Variants in ADAMTS18 observed in about 807,000 individuals in gnomAD.
The protein encoded by ADAMTS18 is ADAM metallopeptidase with thrombospondin type 1 motif 18, also known as A disintegrin and metalloproteinase with thrombospondin motifs 18.
Under a neutral mutation model 165.9 loss-of-function variants are expected in ADAMTS18, and 157 were observed. The observed-to-expected ratio is 0.95, with a 90% CI of 0.83 to 1.08. The LOEUF is 1.08. Ranked by LOEUF, ADAMTS18 falls within the 50% of genes least tolerant of loss-of-function variation. The pLI, the probability that ADAMTS18 is intolerant of heterozygous loss-of-function variation, is 0.00. For missense variants in ADAMTS18, 2,040 were observed against 1,534.0 expected, an observed-to-expected ratio of 1.33 and a Z score of -5.51; for synonymous variants, 782 against 578.2, an observed-to-expected ratio of 1.35 and a Z score of -5.06.
At chr16:77,423,391 C>T (rs2057629266) in intron 3 of ADAMTS18, among the ~76,000 whole-genome samples, 1 of 152,102 alleles carries the variant, frequency 6.6e-6, no homozygotes, top group African/African-American at 2.4e-5. Context: ...ATAATTAGTA[C>T]TATATCATTA....
Position 77,321,069 on chromosome 16 carries a change from C to G in ADAMTS18, c.2287+10G>C. On this transcript the variant is annotated intron_variant, in intron 15 of 22. Transcript: ENST00000282849. ...TCTCATTAACAATAACAAACAGCAG[C>G]ATCTCTCACCATTTGCTTTATGCTG... is the stretch of plus-strand genomic sequence containing the variant. 1 of 1,614,142 alleles carries G rather than the reference C, an allele frequency of 6.2e-7. No homozygotes were observed. The highest frequency in any genetic ancestry group is 1.3e-5 in the African/African-American group (1 of 75,054).
At chr16:77,385,391 T>G (rs2057092535) in intron 3 of ADAMTS18, among the ~76,000 whole-genome samples, 1 of 152,192 alleles carries the variant, frequency 6.6e-6, no homozygotes, top group Non-Finnish European at 1.5e-5. Context: ...ATAGTTGACT[T>G]GTATTCTGTA....
intron 10 of ADAMTS18, among the ~76,000 whole-genome samples, chr16:77,351,466 G>A (rs920036602): frequency 1.3e-5 from 2 of 152,110 alleles, no homozygotes; most frequent in East Asian, 3.9e-4. Context: ...ACACAGACCA[G>A]GTACCCCACA....
intron 8 of ADAMTS18, among the ~76,000 whole-genome samples, chr16:77,357,535 A>C (rs757704564): frequency 7.2e-5 from 11 of 152,240 alleles, no homozygotes; most frequent in Non-Finnish European, 1.5e-4. Flanking sequence ...GAAACCTATA[A>C]ATAAAGCACG....
Position 77,294,959 on chromosome 16 carries a change from G to C in ADAMTS18, c.2970C>G (p.Ala990=), listed in dbSNP as rs368865291. ...PTQVQACNSH[A]CPPQWSLGPW... is the part of the protein sequence containing the mutation. ...GTCCAAGGCTCCATTGTGGAGGGCA[G>C]GCATGGCTGTTGCAGGCTTGGACCT... The change falls in exon 19 of 23, where the codon GCC becomes GCG. Residue 990 remains alanine (A), a synonymous_variant. Coordinates refer to ENST00000282849, the MANE Select transcript of ADAMTS18 (RefSeq NM_199355.4). 4.3e-6 allele frequency: 7 copies of C among 1,614,176 alleles called. No individual in the cohort carries two copies. The highest frequency in any genetic ancestry group is 5.9e-6 in the Non-Finnish European group (7 of 1,180,028).
intron 3 of ADAMTS18, among the ~76,000 whole-genome samples, chr16:77,385,407 G>T (rs533362935): frequency 7.2e-5 from 11 of 152,292 alleles, no homozygotes; most frequent in African/African-American, 2.4e-4. Flanking sequence ...CTGTAACTAA[G>T]CTGGTGCTGC....
At chr16:77,385,163 C>T (rs2057088970) in intron 3 of ADAMTS18, among the ~76,000 whole-genome samples, 2 of 152,116 alleles carry the variant, frequency 1.3e-5, no homozygotes, top group South Asian at 4.1e-4. Context: ...CTCACCTCAG[C>T]CTCCCAAAGT....
intron 3 of ADAMTS18, among the ~76,000 whole-genome samples, chr16:77,408,644 A>G (rs2057422163): frequency 6.6e-6 from 1 of 152,194 alleles, no homozygotes; most frequent in African/African-American, 2.4e-5. Flanking sequence ...AGTTCAAAAA[A>G]AGGCAAAACT....
chr16:77,379,401 G>A (rs772545918), intron 3 of ADAMTS18, among the ~76,000 whole-genome samples: 22 of 152,224 alleles, frequency 1.4e-4, no homozygotes, highest in Non-Finnish European at 1.2e-4. Context: ...GGAGAACTAA[G>A]CAAAGTGGAC....
At chr16:77,398,870 A>C (rs1255668141) in intron 3 of ADAMTS18, among the ~76,000 whole-genome samples, 1 of 152,204 alleles carries the variant, frequency 6.6e-6, no homozygotes, top group East Asian at 1.9e-4. Flanking sequence ...GAGAGAGAAG[A>C]CTGAAAATAT....
intron 3 of ADAMTS18, among the ~76,000 whole-genome samples, chr16:77,400,881 G>C (rs1429761838): frequency 6.6e-6 from 1 of 151,976 alleles, no homozygotes; most frequent in East Asian, 1.9e-4. Context: ...CATTCTCTCT[G>C]TCTGCTCACT....
intron 22 of ADAMTS18, among the ~76,000 whole-genome samples, chr16:77,286,051 G>T (rs1212101224): frequency 6.6e-6 from 1 of 152,114 alleles, no homozygotes; most frequent in Non-Finnish European, 1.5e-5. Flanking sequence ...TACACTGACT[G>T]ACAAGGCCTC....
intron 3 of ADAMTS18, among the ~76,000 whole-genome samples, chr16:77,411,880 G>A (rs1412603791): frequency 2.6e-5 from 4 of 151,462 alleles, no homozygotes; most frequent in Admixed American, 6.6e-5. Flanking sequence ...ATAGAGACGG[G>A]GTTTCACCAT....
At chr16:77,381,589 G>C (rs1362659496) in intron 3 of ADAMTS18, among the ~76,000 whole-genome samples, 5 of 152,010 alleles carry the variant, frequency 3.3e-5, no homozygotes, top group Admixed American at 6.6e-5. Context: ...GGATCACGAG[G>C]TCAGAAGTTC....
chr16:77,388,621 C>G (rs2057142625), intron 3 of ADAMTS18, among the ~76,000 whole-genome samples: 1 of 152,152 alleles, frequency 6.6e-6, no homozygotes, highest in Admixed American at 6.5e-5. Context: ...GCTCTGAGCA[C>G]TGAAGGCATA....
At chr16:77,318,793 G>C (rs751337810) in intron 16 of ADAMTS18, among the ~76,000 whole-genome samples, 3 of 151,840 alleles carry the variant, frequency 2.0e-5, no homozygotes, top group Admixed American at 2.0e-4. Flanking sequence ...TTTCTGGTTA[G>C]TGAAGTCCAT....
At chr16:77,313,014 A>ATAGCAAAGCTATAC (rs2055812171) in intron 16 of ADAMTS18, among the ~76,000 whole-genome samples, 1 of 152,206 alleles carries the variant, frequency 6.6e-6, no homozygotes, top group African/African-American at 2.4e-5. Flanking sequence ...TTGCGGCACT[A>ATAGCAAAGCTATAC]TTCACAATAG....
chr16:77,355,864 T>C, intron 9 of ADAMTS18, 76 bp downstream of exon 9: 2 of 1,556,888 alleles, frequency 1.3e-6, no homozygotes, highest in Non-Finnish European at 8.9e-7. Context: ...CACTGAGTAT[T>C]CGTTTGCAGG....
In ADAMTS18 at chr16:77,359,407, A is replaced by G. The variant is rs1196776822; in HGVS notation, c.1233T>C (p.Ser411=). 6.2e-7 allele frequency: 1 copy of G among 1,613,774 alleles called. No homozygotes were observed. The highest frequency in any genetic ancestry group is 1.3e-5 in the African/African-American group (1 of 74,926). ...AACTTCGGTACTTAGAGCACATTCC[A>G]CTGATGGGGGCAAACCCTATTGAAA... ...PCDTLGFAPI[S]GMCSKYRSCT... Residue 411 remains serine (S), a synonymous_variant, in exon 8 of 23, where the codon AGT becomes AGC. Transcript: ENST00000282849.
Sources: allele counts gnomAD v4.1 joint callset (sites outside exome capture counted in the v4.1 genomes callset), GRCh38; gene constraint gnomAD v4.1.1; transcripts MANE v1.5; gene names NCBI Gene and HGNC (gene_info 2026-07-23, HGNC 2026-07-21).